FAAH2: variants seen among roughly 807,000 people sequenced by gnomAD.
The protein encoded by FAAH2 is fatty acid amide hydrolase 2, also known as fatty-acid amide hydrolase 2.
In FAAH2, 60 loss-of-function variants were observed where a neutral mutation model predicts 36.9. That is an observed-to-expected ratio of 1.63 (90% CI 1.32 to 2.02). The LOEUF (loss-of-function observed/expected upper bound fraction) is 2.02. Among genes scored for constraint, FAAH2 ranks in the 30% most tolerant of loss-of-function variants. The pLI is 0.00. For synonymous variants in FAAH2, 214 were observed against 143.8 expected (o/e 1.49, Z -3.49); for missense variants, 689 against 397.5 (o/e 1.73, Z -6.23).
the FAAH2 span, among the ~76,000 whole-genome samples, chrX:57,199,542 A>G: frequency 9.0e-6 from 1 of 111,627 alleles, no homozygotes; most frequent in Non-Finnish European, 1.9e-5. Context: ...GAAGAACAGT[A>G]TGTGTACCCT....
the FAAH2 span, among the ~76,000 whole-genome samples, chrX:57,196,391 T>G: frequency 8.9e-6 from 1 of 112,109 alleles, no homozygotes; most frequent in African/African-American, 3.2e-5. Flanking sequence ...GCAGAGCTAC[T>G]AATTTGTGTA....
the FAAH2 span, among the ~76,000 whole-genome samples, chrX:57,193,381 G>A: frequency 1.5e-4 from 17 of 111,889 alleles, no homozygotes; most frequent in Non-Finnish European, 2.8e-4. Flanking sequence ...TGACAATGGT[G>A]CCTGAAACTT....
chrX:57,162,881 C>T, the FAAH2 span, among the ~76,000 whole-genome samples: 1 of 113,128 alleles, frequency 8.8e-6, no homozygotes, highest in East Asian at 2.8e-4. Flanking sequence ...AATCTCCATC[C>T]AGCTTTGTTC....
At chrX:57,306,294 G>A (rs956980133) in intron 2 of FAAH2, among the ~76,000 whole-genome samples, 4 of 111,589 alleles carry the variant, frequency 3.6e-5, no homozygotes, top group African/African-American at 6.5e-5. Context: ...TCTACAAATG[G>A]TAATGATGCT....
chrX:57,459,679 C>A (rs920112336), intron 10 of FAAH2, among the ~76,000 whole-genome samples: 1 of 112,333 alleles, frequency 8.9e-6, no homozygotes, highest in Non-Finnish European at 1.9e-5. Flanking sequence ...GTTCTGCAGC[C>A]TCTGCTGGTG....
chrX:57,426,981 T>C (rs777432984), intron 7 of FAAH2, among the ~76,000 whole-genome samples: 1 of 110,495 alleles, frequency 9.1e-6, no homozygotes, highest in African/African-American at 3.3e-5. Flanking sequence ...TAATGAAAAT[T>C]GACAGAACTC....
chrX:57,397,500 A>G (rs958686748), intron 7 of FAAH2, among the ~76,000 whole-genome samples: 1 of 111,281 alleles, frequency 9.0e-6, no homozygotes. Flanking sequence ...TTATCTGGGA[A>G]GTACTTTACG....
At chrX:57,425,736 A>G (rs1287004289) in intron 7 of FAAH2, among the ~76,000 whole-genome samples, 1 of 111,586 alleles carries the variant, frequency 9.0e-6, no homozygotes, top group East Asian at 2.8e-4. Flanking sequence ...TAAAAAAGTC[A>G]ATACTCTCCA....
intron 2 of FAAH2, among the ~76,000 whole-genome samples, chrX:57,301,832 GTGTGTA>G (rs2052381312): frequency 9.0e-6 from 1 of 111,490 alleles, no homozygotes; most frequent in African/African-American, 3.3e-5. Context: ...ATTGTCTTCA[GTGTGTA>G]GAACATGATC....
At chrX:57,368,958 C>A (rs1005692658) in intron 5 of FAAH2, among the ~76,000 whole-genome samples, 1 of 109,019 alleles carries the variant, frequency 9.2e-6, no homozygotes, top group Admixed American at 1.0e-4. Flanking sequence ...AGTACACAGA[C>A]ACACACTGCA....
chrX:57,295,324 G>A lies in FAAH2; in HGVS notation c.275+2744G>A, dbSNP rs2052104549. On this transcript the variant is annotated intron_variant, in intron 2 of 10. Coordinates refer to ENST00000374900, the MANE Select transcript of FAAH2 (RefSeq NM_174912.4). The stretch of plus-strand genomic sequence containing the variant: ...TGTTGAAACAATGGTGTCAGGAACA[G>A]CAGGCAAACTGGAAGAAACAAACCC... 2.7e-5 allele frequency among the ~76,000 whole-genome samples: 3 copies of A among 112,330 alleles called. No homozygotes were observed. In the South Asian group the frequency reaches 1.1e-3, roughly 41 times the overall value.
At chrX:57,259,589 G>T in the FAAH2 span, among the ~76,000 whole-genome samples, 1 of 111,942 alleles carries the variant, frequency 8.9e-6, no homozygotes, top group Non-Finnish European at 1.9e-5. Flanking sequence ...TGAAGTAATA[G>T]AAACATAAAG....
At chrX:57,420,502 G>C (rs901603379) in intron 7 of FAAH2, among the ~76,000 whole-genome samples, 8 of 111,416 alleles carry the variant, frequency 7.2e-5, no homozygotes, top group Non-Finnish European at 1.5e-4. Context: ...GGTGTTCACT[G>C]ATGATTTGGC....
chrX:57,446,163 G>A (rs925443702), intron 8 of FAAH2, among the ~76,000 whole-genome samples: 1 of 112,422 alleles, frequency 8.9e-6, no homozygotes, highest in Non-Finnish European at 1.9e-5. Flanking sequence ...CAAACAAATT[G>A]TCTTTCAATG....
intron 7 of FAAH2, among the ~76,000 whole-genome samples, chrX:57,413,074 GT>G (rs1174617978): frequency 3.6e-5 from 4 of 111,942 alleles, no homozygotes; most frequent in South Asian, 3.7e-4. Flanking sequence ...GGTGAGGTTT[GT>G]TTTTTTCTTG....
chrX:57,314,215 C>T (rs1302506469), intron 3 of FAAH2, among the ~76,000 whole-genome samples: 2 of 111,712 alleles, frequency 1.8e-5, no homozygotes, highest in Non-Finnish European at 3.8e-5. Flanking sequence ...ATGCACCCAA[C>T]ATTGGAGCAC....
At chrX:57,394,134 A>G in intron 7 of FAAH2, 1 of 695,906 alleles carries the variant, frequency 1.4e-6, no homozygotes, top group Non-Finnish European at 2.3e-6. Context: ...TGAAGATTAA[A>G]CTCTTCCATA....
chrX:57,371,852 A>G (rs183005077), intron 5 of FAAH2, among the ~76,000 whole-genome samples: 4 of 111,361 alleles, frequency 3.6e-5, no homozygotes, highest in East Asian at 2.8e-4. Context: ...CATTATGTCA[A>G]TGTTTACCCA....
chrX:57,261,134 A>T, the FAAH2 span, among the ~76,000 whole-genome samples: 1 of 111,948 alleles, frequency 8.9e-6, no homozygotes, highest in Non-Finnish European at 1.9e-5. Context: ...GAAGCCACAC[A>T]AATGTCCATC....
Sources: allele counts gnomAD v4.1 joint callset (sites outside exome capture counted in the v4.1 genomes callset), GRCh38; gene constraint gnomAD v4.1.1; transcripts MANE v1.5; gene names NCBI Gene and HGNC (gene_info 2026-07-23, HGNC 2026-07-21).